Variants in NEBL observed in about 807,000 individuals in gnomAD.
The protein encoded by NEBL is LIM and SH3 protein 2.
A neutral mutation model predicts 140.2 loss-of-function variants in NEBL; 122 were observed. The ratio of observed to expected loss-of-function variants is 0.87; its 90% confidence interval spans 0.75 to 1.01. The LOEUF (loss-of-function observed/expected upper bound fraction) is 1.01, where lower values mean the gene tolerates loss of function less well. NEBL is among the 50% of genes least tolerant of loss of function. The pLI is 0.00. For synonymous variants in NEBL, 436 were observed against 398.9 expected (o/e 1.09, Z -1.11); for missense variants, 1,365 against 1,231.3 (o/e 1.11, Z -1.62).
intron 4 of NEBL, among the ~76,000 whole-genome samples, chr10:20,937,895 G>A (rs1258087520): frequency 6.6e-6 from 1 of 152,188 alleles, no homozygotes; most frequent in Non-Finnish European, 1.5e-5. Context: ...GTGGAGGAGG[G>A]GCGCCCGCCA....
chr10:20,911,097 G>A (rs1207235669), intron 4 of NEBL, among the ~76,000 whole-genome samples: 1 of 152,110 alleles, frequency 6.6e-6, no homozygotes, highest in African/African-American at 2.4e-5. Context: ...CTGGGAGGTG[G>A]AGGTTGCAGT....
chr10:21,055,966 C>G (rs1835006279), intron 2 of NEBL, among the ~76,000 whole-genome samples: 1 of 152,314 alleles, frequency 6.6e-6, no homozygotes, highest in South Asian at 2.1e-4. Context: ...TTTGTTTGTC[C>G]TGAGGCTTTA....
intron 3 of NEBL, among the ~76,000 whole-genome samples, chr10:20,976,570 C>T (rs1337106144): frequency 6.6e-6 from 1 of 152,078 alleles, no homozygotes; most frequent in African/African-American, 2.4e-5. Context: ...ACATATACAC[C>T]ATGGAATACT....
At position 21,032,967 on chromosome 10, in the gene NEBL, G is replaced by A. The variant is rs550706776; in HGVS notation, c.165-12766C>T. Among the ~76,000 whole-genome samples the A allele has an allele frequency of 2.9e-4, 44 of 152,292 alleles. No individual in the cohort carries two copies. In the South Asian group the frequency reaches 9.1e-3, roughly 32 times the overall value. ...AAATGCTTATCGGCTATTGAAACAT[G>A]TCACCTAGATTTTGAATTATGGTGT... On this transcript the variant is annotated intron_variant, in intron 2 of 6. Transcript: ENST00000417816.
chr10:21,001,415 T>C (rs181279046), intron 3 of NEBL, among the ~76,000 whole-genome samples: 1 of 152,254 alleles, frequency 6.6e-6, no homozygotes, highest in East Asian at 1.9e-4. Flanking sequence ...TTCCAACTTG[T>C]AAGGTGGACA....
chr10:21,258,578 G>A (rs945167241), intron 1 of NEBL, among the ~76,000 whole-genome samples: 6 of 152,204 alleles, frequency 3.9e-5, no homozygotes, highest in Non-Finnish European at 5.9e-5. Flanking sequence ...GGTGGCGGGC[G>A]CCTGTAATCC....
chr10:21,206,405 C>T (rs1429618752), intron 3 of NEBL, among the ~76,000 whole-genome samples: 1 of 152,170 alleles, frequency 6.6e-6, no homozygotes, highest in Admixed American at 6.5e-5. Context: ...AGAAGTCGTT[C>T]CTTTTACATG....
chr10:20,998,002 A>C (rs1378368972), intron 3 of NEBL, among the ~76,000 whole-genome samples: 1 of 152,226 alleles, frequency 6.6e-6, no homozygotes, highest in Admixed American at 6.5e-5. Context: ...GAGCCAAAAA[A>C]TAAATTAAAT....
rs1247253891 is a variant in NEBL, at chr10:20,823,193, A to G, written c.1962+15T>C. ...ACAATAAAATTTTTAAAAAATACTTAAGAAATATGATCACATTGCTGATGT... is the reference window on the plus strand; with the variant it reads ...ACAATAAAATTTTTAAAAAATACTTGAGAAATATGATCACATTGCTGATGT... On this transcript the variant is annotated intron_variant, in intron 19 of 27. Coordinates refer to ENST00000377122, the MANE Select transcript of NEBL (RefSeq NM_006393.3). The G allele has an allele frequency of 2.5e-6, 4 of 1,578,454 alleles. No homozygotes were observed. Among genetic ancestry groups the G allele is most frequent in the Non-Finnish European group, 3.5e-6 (4 of 1,153,394 alleles).
intron 2 of NEBL, chr10:21,110,672 C>G: frequency 2.2e-6 from 1 of 453,836 alleles, no homozygotes; most frequent in South Asian, 1.7e-5. Flanking sequence ...TAAGCATATG[C>G]CACCACCCCA....
At chr10:20,898,344 T>C (rs1847668113), upstream of NEBL, among the ~76,000 whole-genome samples, 1 of 152,102 alleles carries the variant, frequency 6.6e-6, no homozygotes, top group Non-Finnish European at 1.5e-5. Flanking sequence ...ATAGTAATAC[T>C]GATGATACAA....
chr10:21,212,534 A>C (rs1384422953), intron 3 of NEBL, among the ~76,000 whole-genome samples: 1 of 152,194 alleles, frequency 6.6e-6, no homozygotes, highest in Non-Finnish European at 1.5e-5. Context: ...AGTTTGTGAA[A>C]CTTCCCATTT....
intron 16 of NEBL, among the ~76,000 whole-genome samples, chr10:20,830,808 C>A (rs1840328079): frequency 6.8e-6 from 1 of 146,268 alleles, no homozygotes; most frequent in South Asian, 2.1e-4. Context: ...CCCACTGAGG[C>A]AGGAAGATAA....
At chr10:20,915,321 T>C (rs901041101) in intron 4 of NEBL, among the ~76,000 whole-genome samples, 5 of 151,620 alleles carry the variant, frequency 3.3e-5, no homozygotes, top group African/African-American at 1.2e-4. Flanking sequence ...TAGTTACATA[T>C]GTATACATGT....
chr10:21,028,960 T>C (rs893199132), intron 2 of NEBL: 6 of 547,768 alleles, frequency 1.1e-5, no homozygotes, highest in Non-Finnish European at 1.9e-5. Context: ...TGAGACAAAA[T>C]GCTTTTTAAA....
chr10:21,142,881 C>T (rs1301587471), intron 2 of NEBL, among the ~76,000 whole-genome samples: 1 of 152,148 alleles, frequency 6.6e-6, no homozygotes, highest in Non-Finnish European at 1.5e-5. Flanking sequence ...CCCCCCACCC[C>T]CAACATCTGT....
At chr10:21,165,733 T>A (rs902939570) in intron 2 of NEBL, among the ~76,000 whole-genome samples, 1 of 152,092 alleles carries the variant, frequency 6.6e-6, no homozygotes, top group Non-Finnish European at 1.5e-5. Flanking sequence ...TGGTGTGGGC[T>A]CTTACTGCTG....
chr10:21,283,010 C>T (rs1000281355), intron 1 of NEBL, among the ~76,000 whole-genome samples: 9 of 151,918 alleles, frequency 5.9e-5, no homozygotes, highest in African/African-American at 1.7e-4. Flanking sequence ...GTGGCATGCA[C>T]CTGTAAGCCC....
At chr10:20,937,158 G>C (rs913803816) in intron 4 of NEBL, among the ~76,000 whole-genome samples, 1 of 152,080 alleles carries the variant, frequency 6.6e-6, no homozygotes, top group South Asian at 2.1e-4. Flanking sequence ...TGCTAAACTG[G>C]TTTTCCCATG....
Sources: allele counts gnomAD v4.1 joint callset (sites outside exome capture counted in the v4.1 genomes callset), GRCh38; gene constraint gnomAD v4.1.1; transcripts MANE v1.5; gene names NCBI Gene and HGNC (gene_info 2026-07-23, HGNC 2026-07-21).